Variants in EFCAB13 observed in about 807,000 individuals in gnomAD.
The protein encoded by EFCAB13 is EF-hand calcium binding domain 13.
EFCAB13 carries 91 observed loss-of-function variants against 110.2 expected under a neutral mutation model. That is an observed-to-expected ratio of 0.83 (90% CI 0.70 to 0.98). The LOEUF (loss-of-function observed/expected upper bound fraction) is 0.98, where lower values mean the gene tolerates loss of function less well. Among genes scored for constraint, EFCAB13 ranks in the 50% least tolerant of loss-of-function variants. The pLI, the probability that EFCAB13 is intolerant of heterozygous loss-of-function variation, is 0.00. For synonymous variants in EFCAB13, 323 were observed against 369.9 expected (o/e 0.87, Z 1.45); for missense variants, 968 against 1,119.4 (o/e 0.86, Z 1.93).
intron 17 of EFCAB13, among the ~76,000 whole-genome samples, chr17:47,399,642 G>GA (rs996111055): frequency 1.2e-3 from 174 of 151,046 alleles, no homozygotes; most frequent in Non-Finnish European, 2.3e-3. Flanking sequence ...ATGTTAAAAA[G>GA]AAAAAAAACC....
intron 14 of EFCAB13, among the ~76,000 whole-genome samples, chr17:47,386,807 TGG>T (rs1455163176): frequency 6.6e-6 from 1 of 152,074 alleles, no homozygotes; most frequent in African/African-American, 2.4e-5. Flanking sequence ...GCAAAAACCG[TGG>T]GGAAAGCATA....
Position 47,412,754 on chromosome 17 carries a change from T to C in EFCAB13, c.2279-19T>C. Reference sequence around the variant, plus strand: ...ATGTTTTTTACACCATAATAGCTTGTGTACATTTATCTTTGTAGAGATTAA... The same window carrying C: ...ATGTTTTTTACACCATAATAGCTTGCGTACATTTATCTTTGTAGAGATTAA... On this transcript the variant is annotated intron_variant, in intron 21 of 24. Transcript: ENST00000331493. 1 of 1,605,264 alleles carries C rather than the reference T, an allele frequency of 6.2e-7. No individual in the cohort carries two copies. Among genetic ancestry groups the C allele is most frequent in the East Asian group, 2.2e-5 (1 of 44,744 alleles).
At chr17:47,359,571 A>G (rs1174704882) in intron 9 of EFCAB13, among the ~76,000 whole-genome samples, 1 of 139,768 alleles carries the variant, frequency 7.2e-6, no homozygotes, top group Non-Finnish European at 1.5e-5. Context: ...CAGGGAGGAT[A>G]TAAATTTAGC....
At chr17:47,394,624 A>G (rs2065727352) in intron 16 of EFCAB13, among the ~76,000 whole-genome samples, 1 of 152,218 alleles carries the variant, frequency 6.6e-6, no homozygotes, top group Non-Finnish European at 1.5e-5. Flanking sequence ...ACATGTGTAT[A>G]TTTTTAATGG....
At chr17:47,427,520 T>G (rs1264986408) in intron 23 of EFCAB13, among the ~76,000 whole-genome samples, 1 of 152,056 alleles carries the variant, frequency 6.6e-6, no homozygotes, top group African/African-American at 2.4e-5. Flanking sequence ...TTCCTTTTTT[T>G]AAAGAAGAGA....
chr17:47,387,605 C>G (rs1836124484), intron 14 of EFCAB13, among the ~76,000 whole-genome samples: 1 of 152,154 alleles, frequency 6.6e-6, no homozygotes, highest in African/African-American at 2.4e-5. Flanking sequence ...CTTAAAACCA[C>G]TATTTTGGAT....
chr17:47,335,484 ATTCT>A (rs1335696040), intron 5 of EFCAB13, 128 bp downstream of exon 5: 1 of 694,682 alleles, frequency 1.4e-6, no homozygotes, highest in Non-Finnish European at 2.1e-6. Context: ...ATTTGTGGTC[ATTCT>A]TTCAGTAGCA....
chr17:47,415,690 C>G, intron 23 of EFCAB13, among the ~76,000 whole-genome samples: 1 of 152,166 alleles, frequency 6.6e-6, no homozygotes, highest in East Asian at 1.9e-4. Context: ...AGTCATGCCT[C>G]TGGAGTTTTC....
At chr17:47,397,545 G>A (rs538292801) in intron 17 of EFCAB13, among the ~76,000 whole-genome samples, 3 of 151,010 alleles carry the variant, frequency 2.0e-5, no homozygotes, top group South Asian at 4.2e-4. Flanking sequence ...CTGCCCGGCC[G>A]CCATCCCATC....
At chr17:47,398,747 C>T (rs1312450818) in intron 17 of EFCAB13, among the ~76,000 whole-genome samples, 1 of 151,058 alleles carries the variant, frequency 6.6e-6, no homozygotes, top group Non-Finnish European at 1.5e-5. Context: ...CTAGGAAAAC[C>T]AGAGACCTTT....
intron 23 of EFCAB13, among the ~76,000 whole-genome samples, chr17:47,424,872 A>ATTTTTTTTTT (rs1459453287): frequency 1.5e-5 from 1 of 68,342 alleles, no homozygotes; most frequent in Admixed American, 1.4e-4. Context: ...CCGGTTGACA[A>ATTTTTTTTTT]TCTTTTTTTT....
chr17:47,432,259 G>A (rs1006018391), intron 24 of EFCAB13, among the ~76,000 whole-genome samples: 3 of 152,010 alleles, frequency 2.0e-5, no homozygotes, highest in African/African-American at 2.4e-5. Context: ...TTAGCCAGGC[G>A]TGGTGGCGGG....
chr17:47,383,087 T>G (rs987841538), intron 14 of EFCAB13, among the ~76,000 whole-genome samples: 1 of 152,332 alleles, frequency 6.6e-6, no homozygotes, highest in South Asian at 2.1e-4. Context: ...GCTTATAGTA[T>G]TCTCTGATGG....
At chr17:47,324,422 C>T (rs1326836293) in intron 1 of EFCAB13, 32 bp from the exon 2 acceptor site, 2 of 152,120 alleles carry the variant, frequency 1.3e-5, no homozygotes, top group Admixed American at 6.5e-5. Context: ...GTCGTTCACT[C>T]GCTAGCTTAC....
chr17:47,390,922 A>ATCTG (rs1555583678), intron 14 of EFCAB13, among the ~76,000 whole-genome samples: 1 of 151,638 alleles, frequency 6.6e-6, no homozygotes, highest in Admixed American at 6.6e-5. Context: ...CTGTCTATCT[A>ATCTG]TCTATCTGTC....
At chr17:47,396,120 T>G (rs1771255349) in intron 17 of EFCAB13, 143 bp downstream of exon 17, 1 of 575,822 alleles carries the variant, frequency 1.7e-6, no homozygotes, top group African/African-American at 1.9e-5. Context: ...TAGGAAATAT[T>G]GTATAAAGAA....
chr17:47,376,938 T>C (rs916647584), intron 12 of EFCAB13, among the ~76,000 whole-genome samples: 1 of 152,232 alleles, frequency 6.6e-6, no homozygotes, highest in African/African-American at 2.4e-5. Flanking sequence ...TTATGCATTT[T>C]TGGTCAGATT....
intron 17 of EFCAB13, among the ~76,000 whole-genome samples, chr17:47,397,325 C>T (rs1286422029): frequency 6.6e-6 from 1 of 152,164 alleles, no homozygotes; most frequent in Non-Finnish European, 1.5e-5. Flanking sequence ...TCAATGGTGC[C>T]CAGGCTGGAG....
intron 8 of EFCAB13, among the ~76,000 whole-genome samples, chr17:47,345,889 C>T (rs980799652): frequency 1.3e-5 from 2 of 152,076 alleles, no homozygotes; most frequent in Non-Finnish European, 2.9e-5. Context: ...GGTATCTATT[C>T]CAAACCTTCA....
Sources: gnomAD v4.1 joint callset for allele counts (sites outside exome capture counted in the v4.1 genomes callset) on GRCh38, gnomAD v4.1.1 for gene constraint, MANE v1.5 for transcripts, NCBI Gene and HGNC (gene_info 2026-07-23, HGNC 2026-07-21) for gene names.